The following DSCAM variants were observed in gnomAD, a reference collection of about 807,000 sequenced individuals.
DSCAM encodes the protein cell adhesion molecule DSCAM.
A neutral mutation model predicts 217.7 loss-of-function variants in DSCAM; 47 were observed. That is an observed-to-expected ratio of 0.22 (90% CI 0.17 to 0.28). The LOEUF (loss-of-function observed/expected upper bound fraction) is 0.28. Ranked by LOEUF, DSCAM falls within the 10% of genes least tolerant of loss-of-function variation. DSCAM has a pLI of 1.00. For synonymous variants in DSCAM, 1,056 were observed against 1,015.3 expected (o/e 1.04, Z -0.76); for missense variants, 2,080 against 2,618.3 (o/e 0.79, Z 4.49).
intron 3 of DSCAM, among the ~76,000 whole-genome samples, chr21:40,400,490 T>C (rs1357258062): frequency 6.6e-6 from 1 of 152,238 alleles, no homozygotes; most frequent in Non-Finnish European, 1.5e-5. Context: ...GTGAATATTC[T>C]ACTGAGGTAA....
chr21:40,516,893 A>ATATATATATG (rs1193809795), intron 3 of DSCAM, among the ~76,000 whole-genome samples: 3 of 144,834 alleles, frequency 2.1e-5, no homozygotes, highest in Non-Finnish European at 4.5e-5. Context: ...CACACCATAT[A>ATATATATATG]TATATATATA....
intron 3 of DSCAM, among the ~76,000 whole-genome samples, chr21:40,573,354 A>G (rs1487236470): frequency 6.6e-6 from 1 of 152,166 alleles, no homozygotes; most frequent in East Asian, 1.9e-4. Flanking sequence ...ATAAATAAAT[A>G]AACTTGAAAT....
At chr21:40,508,738 TA>T (rs765714544) in intron 3 of DSCAM, among the ~76,000 whole-genome samples, 2,862 of 17,236 alleles carry the variant, frequency 0.17, 256 homozygotes, top group South Asian at 0.25. Context: ...CCGGCAAATA[TA>T]TATATATATA....
chr21:40,324,103 CAAAAAAAAAAAAAAAAAAA>C (rs71330393), intron 8 of DSCAM, among the ~76,000 whole-genome samples: 1 of 27,936 alleles, frequency 3.6e-5, no homozygotes, highest in Admixed American at 6.6e-4. Flanking sequence ...AACTCTGTCT[CAAAAAAAAAAAAAAAAAAA>C]AAAAAAAAAG....
intron 3 of DSCAM, among the ~76,000 whole-genome samples, chr21:40,431,379 C>G (rs973254823): frequency 8.7e-5 from 13 of 149,500 alleles, no homozygotes; most frequent in Non-Finnish European, 1.7e-4. Flanking sequence ...AATGTGAAAA[C>G]AAGGACAAAG....
chr21:40,393,111 G>GA (rs2075148794), intron 3 of DSCAM, among the ~76,000 whole-genome samples: 1 of 152,134 alleles, frequency 6.6e-6, no homozygotes, highest in Admixed American at 6.5e-5. Context: ...AGACCACAAA[G>GA]TCTTCTTGGA....
At chr21:40,324,335 G>C (rs1394703201) in intron 8 of DSCAM, among the ~76,000 whole-genome samples, 2 of 151,824 alleles carry the variant, frequency 1.3e-5, no homozygotes, top group Non-Finnish European at 2.9e-5. Context: ...TACAATAAAG[G>C]GAAAAAATAA....
At chr21:40,138,516 C>T (rs1265536106) in intron 18 of DSCAM, among the ~76,000 whole-genome samples, 2 of 115,938 alleles carry the variant, frequency 1.7e-5, no homozygotes, top group Admixed American at 9.0e-5. Flanking sequence ...CATATGTATG[C>T]GGAGTGTGTG....
chr21:40,296,235 A>C, intron 9 of DSCAM, 61 bp from the exon 10 acceptor site: 1 of 1,562,414 alleles, frequency 6.4e-7, no homozygotes, highest in Non-Finnish European at 8.7e-7. Flanking sequence ...TAAAGGTATG[A>C]TTCTAAGAAA....
intron 20 of DSCAM, among the ~76,000 whole-genome samples, chr21:40,102,233 A>T (rs2146612371): frequency 6.6e-6 from 1 of 152,358 alleles, no homozygotes; most frequent in East Asian, 1.9e-4. Context: ...CCTAAAAAAT[A>T]AATGGAAACT....
chr21:40,738,172 A>G (rs1321592552), intron 1 of DSCAM, among the ~76,000 whole-genome samples: 2 of 152,232 alleles, frequency 1.3e-5, no homozygotes, highest in Non-Finnish European at 2.9e-5. Context: ...ACATCAGAAG[A>G]ACAATTAGTT....
chr21:40,831,160 A>G (rs1461879074), intron 1 of DSCAM, among the ~76,000 whole-genome samples: 1 of 152,216 alleles, frequency 6.6e-6, no homozygotes, highest in African/African-American at 2.4e-5. Flanking sequence ...GAACTGGTCT[A>G]TTTTCATCAC....
At chr21:40,287,638 C>G (rs2123421008) in intron 10 of DSCAM, among the ~76,000 whole-genome samples, 1 of 152,280 alleles carries the variant, frequency 6.6e-6, no homozygotes, top group Middle Eastern at 3.4e-3. Context: ...TTCTATGAAT[C>G]TCTCAACAAA....
intron 3 of DSCAM, among the ~76,000 whole-genome samples, chr21:40,569,389 GTAAAGGA>G (rs1462667034): frequency 6.6e-6 from 1 of 152,134 alleles, no homozygotes; most frequent in African/African-American, 2.4e-5. Flanking sequence ...TTTACTTTAA[GTAAAGGA>G]GATTGTCTTT....
intron 11 of DSCAM, among the ~76,000 whole-genome samples, chr21:40,246,461 A>T (rs2073227043): frequency 6.7e-6 from 1 of 149,626 alleles, no homozygotes; most frequent in South Asian, 2.1e-4. Context: ...GAACTGTTGG[A>T]ACCTGGGAGG....
chr21:40,027,234 G>A (rs1292008670), intron 32 of DSCAM, among the ~76,000 whole-genome samples: 2 of 152,300 alleles, frequency 1.3e-5, no homozygotes, highest in South Asian at 2.1e-4. Context: ...TAGGGTTTCT[G>A]CCGAGAGATC....
chr21:40,800,403 A>C lies in DSCAM; in HGVS notation c.43+46216T>G, dbSNP rs79439010. Among the ~76,000 whole-genome samples the C allele has an allele frequency of 0.014, 2,096 of 152,208 alleles. 99 individuals are homozygous for C. In the East Asian group the frequency reaches 0.18, roughly 13 times the overall value. On this transcript the variant is annotated intron_variant, in intron 1 of 32. Coordinates refer to ENST00000400454, the MANE Select transcript of DSCAM (RefSeq NM_001389.5). Reference sequence around the variant, plus strand: ...GGAAGCTGAGGGAGCAGGCTAGAAAAAGCCTGGATTCTGGTGAGGGCTTAG... The same window carrying C: ...GGAAGCTGAGGGAGCAGGCTAGAAACAGCCTGGATTCTGGTGAGGGCTTAG...
intron 11 of DSCAM, among the ~76,000 whole-genome samples, chr21:40,254,993 G>A (rs1361016048): frequency 1.3e-5 from 2 of 151,978 alleles, no homozygotes; most frequent in Non-Finnish European, 2.9e-5. Context: ...GTGGGTAAAG[G>A]CCCCCTGGTC....
At chr21:40,265,738 A>T (rs898071643) in intron 11 of DSCAM, among the ~76,000 whole-genome samples, 1 of 152,116 alleles carries the variant, frequency 6.6e-6, no homozygotes, top group Non-Finnish European at 1.5e-5. Flanking sequence ...AACATAATGG[A>T]TTAGACACAC....
Sources: gnomAD v4.1 joint callset for allele counts (sites outside exome capture counted in the v4.1 genomes callset) on GRCh38, gnomAD v4.1.1 for gene constraint, MANE v1.5 for transcripts, NCBI Gene and HGNC (gene_info 2026-07-23, HGNC 2026-07-21) for gene names.